NR5A2: variants seen among roughly 807,000 people sequenced by gnomAD.
NR5A2 encodes CYP7A promoter-binding factor.
In NR5A2, 26 loss-of-function variants were observed where a neutral mutation model predicts 62.7. The ratio of observed to expected loss-of-function variants is 0.41; its 90% confidence interval spans 0.30 to 0.58. NR5A2 has a LOEUF of 0.58. Ranked by LOEUF, NR5A2 falls within the 20% of genes least tolerant of loss-of-function variation. The pLI is 0.22. For synonymous variants in NR5A2, 246 were observed against 241.7 expected, an observed-to-expected ratio of 1.02 and a Z score of -0.16; for missense variants, 541 against 669.1, an observed-to-expected ratio of 0.81 and a Z score of 2.11.
At position 200,048,605 on chromosome 1, in the gene NR5A2, A is replaced by T; in HGVS notation, c.897A>T (p.Ala299=). The part of the protein sequence containing the change: ...YMDSYQTSSP[A]SIPHLILELL... ...ATAGTTACCAGACGAGCTCTCCAGCAAGCATCCCACATCTGATACTGGAAC... is the reference window on the plus strand; with the variant it reads ...ATAGTTACCAGACGAGCTCTCCAGCTAGCATCCCACATCTGATACTGGAAC... Residue 299 remains alanine (A), a synonymous_variant, in exon 5 of 8, where the codon GCA becomes GCT. Transcript: ENST00000367362. The surrounding 1 kb of genome is among the most constrained non-coding windows in gnomAD (Gnocchi z 4.8). 6.2e-7 allele frequency: 1 copy of T among 1,614,234 alleles called. No homozygotes were observed. The highest frequency in any genetic ancestry group is 1.3e-5 in the African/African-American group (1 of 75,062).
At position 200,029,102 on chromosome 1, in the gene NR5A2, G is replaced by T. The variant is rs934638101; in HGVS notation, c.64+1191G>T. On this transcript the variant is annotated intron_variant, in intron 1 of 7. Transcript: ENST00000367362. Reference sequence around the variant, plus strand: ...ACAACCATTTCGCATCTTTTTCGTCGGGCAGAACCGCCGCGGTGCGCAGGC... The same window carrying T: ...ACAACCATTTCGCATCTTTTTCGTCTGGCAGAACCGCCGCGGTGCGCAGGC... 1.6e-5 allele frequency: 7 copies of T among 444,248 alleles called. No individual in the cohort carries two copies. In the Admixed American group the frequency reaches 1.7e-4, roughly 11 times the overall value. 27.5% of individuals were successfully genotyped at this position (444,248 alleles called of 1,614,324 possible).
intron 5 of NR5A2, among the ~76,000 whole-genome samples, chr1:200,091,919 T>C (rs1404517725): frequency 1.3e-5 from 2 of 152,204 alleles, no homozygotes; most frequent in South Asian, 2.1e-4. Flanking sequence ...GAGCTTTTTA[T>C]TCAAAGTGCG....
chr1:200,048,723 C>T lies in NR5A2; in HGVS notation c.1015C>T (p.Leu339=). ...GGCTAACCGAAGCAAGCACGAAAAG[C>T]TGAGCACCTTTGGGCTTATGTGCAA... The part of the protein sequence containing the change: ...EQANRSKHEK[L]STFGLMCKMA... Residue 339 remains leucine, a synonymous_variant, in exon 5 of 8, where the codon CTG becomes TTG. Coordinates refer to ENST00000367362, the MANE Select transcript of NR5A2 (RefSeq NM_205860.3). This position sits in a 1 kb window ranked among gnomAD's most constrained non-coding sequence, Gnocchi z 4.8. The T allele has an allele frequency of 6.2e-7, 1 of 1,614,202 alleles. No homozygotes were observed. Among genetic ancestry groups the T allele is most frequent in the Non-Finnish European group, 8.5e-7 (1 of 1,180,024 alleles).
chr1:200,120,108 T>G (rs1225797049), intron 6 of NR5A2, among the ~76,000 whole-genome samples: 2 of 152,174 alleles, frequency 1.3e-5, no homozygotes, highest in Non-Finnish European at 2.9e-5. Flanking sequence ...AATAATTTAT[T>G]TGTATTTATT....
chr1:200,154,726 G>A lies in NR5A2; in HGVS notation c.1379-19237G>A, dbSNP rs78236318. Among the ~76,000 whole-genome samples the A allele has an allele frequency of 7.2e-3, 1,099 of 152,238 alleles. 15 individuals carry two copies. The highest frequency in any genetic ancestry group is 0.025 in the African/African-American group (1,030 of 41,522). On this transcript the variant is annotated intron_variant, in intron 7 of 7. Transcript: ENST00000367362. ...AATAAGTAAATTTTTAAAAAGAAAGGCATTATGAGAGTTTCAGCAGAACAT... is the reference window on the plus strand; with the variant it reads ...AATAAGTAAATTTTTAAAAAGAAAGACATTATGAGAGTTTCAGCAGAACAT...
chr1:200,137,337 T>A lies in NR5A2; in HGVS notation c.1378+16382T>A, dbSNP rs532144186. Among the ~76,000 whole-genome samples the A allele has an allele frequency of 2.0e-3, 296 of 148,342 alleles. 2 individuals carry two copies. The highest frequency in any genetic ancestry group is 6.9e-3 in the Middle Eastern group (2 of 290). On this transcript the variant is annotated intron_variant, in intron 7 of 7. Coordinates refer to ENST00000367362, the MANE Select transcript of NR5A2 (RefSeq NM_205860.3). ...GGCTAATTTTTTTTTTTTTTTTTTT[T>A]ATGTTTTTGGTAGAGACGAGGTTTC...
chr1:200,073,268 T>TTATATATATATA lies in NR5A2; in HGVS notation c.1110+24462_1110+24473dup, dbSNP rs371537456. Among the ~76,000 whole-genome samples the TTATATATATATA allele has an allele frequency of 1.1e-3, 125 of 111,198 alleles. 6 individuals are homozygous for TTATATATATATA. The highest frequency in any genetic ancestry group is 4.5e-3 in the Middle Eastern group (1 of 222). 73.0% of individuals were successfully genotyped at this position (111,198 alleles called of 152,430 possible). On this transcript the variant is annotated intron_variant, in intron 5 of 7. Transcript: ENST00000367362. ...TATATATATATATATATATTCCCCT[T>TTATATATATATA]TATATATATATATATATATATATTC...
At chr1:200,162,263 T>C (rs1235985384) in intron 7 of NR5A2, among the ~76,000 whole-genome samples, 2 of 152,220 alleles carry the variant, frequency 1.3e-5, no homozygotes, top group Non-Finnish European at 2.9e-5. Context: ...TAGAGTGTGC[T>C]GTAGACTCAC....
At chr1:200,135,477 C>A (rs1365504783) in intron 7 of NR5A2, among the ~76,000 whole-genome samples, 1 of 151,254 alleles carries the variant, frequency 6.6e-6, no homozygotes, top group Non-Finnish European at 1.5e-5. Flanking sequence ...GCCAAGATTG[C>A]GCCCCTGCTC....
Position 200,043,761 on chromosome 1 carries a change from CTT to C in NR5A2, c.203-9_203-8del. ...TAATTGAATATGTGTATACATTTCTCTTTTTGTTTCAGTGTCTCAATTTAAAA... is the reference window on the plus strand; with the variant it reads ...TAATTGAATATGTGTATACATTTCTCTTTGTTTCAGTGTCTCAATTTAAAA... On this transcript the variant is annotated splice_polypyrimidine_tract_variant and intron_variant, in intron 2 of 7. Transcript: ENST00000367362. The C allele has an allele frequency of 8.5e-6, 13 of 1,538,056 alleles. No homozygotes were observed. The highest frequency in any genetic ancestry group is 1.2e-5 in the Non-Finnish European group (13 of 1,112,894).
At chr1:200,171,578 A>G (rs2816929) in intron 7 of NR5A2, among the ~76,000 whole-genome samples, 77,950 of 151,898 alleles carry the variant, frequency 0.51, 22,386 homozygotes, top group African/African-American at 0.79. Context: ...GTGAAACCCC[A>G]TCTCTACTAA....
At chr1:200,081,669 A>T (rs1558126516) in intron 5 of NR5A2, among the ~76,000 whole-genome samples, 1 of 152,180 alleles carries the variant, frequency 6.6e-6, no homozygotes, top group Admixed American at 6.5e-5. Context: ...CTCAATACAC[A>T]TAGTCGCTTA....
intron 5 of NR5A2, among the ~76,000 whole-genome samples, chr1:200,056,513 C>A (rs1662923406): frequency 6.6e-6 from 1 of 152,194 alleles, no homozygotes; most frequent in Non-Finnish European, 1.5e-5. Flanking sequence ...CCAGTCCCTG[C>A]CAATCCTGAT....
At chr1:200,075,293 A>G (rs542948375) in intron 5 of NR5A2, among the ~76,000 whole-genome samples, 1 of 152,226 alleles carries the variant, frequency 6.6e-6, no homozygotes, top group Non-Finnish European at 1.5e-5. Flanking sequence ...AAGTGGAAAA[A>G]GGAAAGCCGC....
intron 7 of NR5A2, among the ~76,000 whole-genome samples, chr1:200,133,274 C>T (rs1667046704): frequency 1.3e-5 from 2 of 152,048 alleles, no homozygotes; most frequent in South Asian, 2.1e-4. Context: ...GTACCCTGAA[C>T]TTTGGAGGGC....
chr1:200,076,172 A>G (rs1261840096), intron 5 of NR5A2, among the ~76,000 whole-genome samples: 1 of 152,146 alleles, frequency 6.6e-6, no homozygotes, highest in Non-Finnish European at 1.5e-5. Context: ...CCCGGTTCCA[A>G]TATTTCAAAA....
chr1:200,086,623 G>A (rs921416214), intron 5 of NR5A2, among the ~76,000 whole-genome samples: 3 of 152,142 alleles, frequency 2.0e-5, no homozygotes, highest in African/African-American at 7.2e-5. Flanking sequence ...AACTTTTTTA[G>A]AAATAAAAGA....
At chr1:200,061,457 T>C (rs1028289744) in intron 5 of NR5A2, among the ~76,000 whole-genome samples, 9 of 151,966 alleles carry the variant, frequency 5.9e-5, no homozygotes, top group Non-Finnish European at 1.2e-4. Flanking sequence ...TTTGTATTTT[T>C]AGTAGAGACA....
At chr1:200,031,581 T>G (rs1022630842) in intron 1 of NR5A2, among the ~76,000 whole-genome samples, 5 of 141,806 alleles carry the variant, frequency 3.5e-5, no homozygotes, top group African/African-American at 1.4e-4. Flanking sequence ...CTTTTTTTTT[T>G]TTTTTTTTTT....
Sources: gnomAD v4.1 joint callset for allele counts (sites outside exome capture counted in the v4.1 genomes callset) on GRCh38, gnomAD v4.1.1 for gene constraint, Gnocchi (gnomAD v3.1) non-coding constraint, MANE v1.5 for transcripts, NCBI Gene and HGNC (gene_info 2026-07-23, HGNC 2026-07-21) for gene names.